DLG2: variants seen among roughly 807,000 people sequenced by gnomAD.
DLG2 encodes discs large MAGUK scaffold protein 2.
In DLG2, 45 loss-of-function variants were observed where a neutral mutation model predicts 132.5. That is an observed-to-expected ratio of 0.34 (90% confidence interval 0.27 to 0.44). The LOEUF (loss-of-function observed/expected upper bound fraction) is 0.44. Ranked by LOEUF, DLG2 falls within the 20% of genes least tolerant of loss-of-function variation. The pLI, the probability that DLG2 is intolerant of heterozygous loss-of-function variation, is 1.00. For missense variants in DLG2, 1,045 were observed against 1,196.9 expected (o/e 0.87, Z 1.87); for synonymous variants, 424 against 419.6 (o/e 1.01, Z -0.13).
rs184096961 is a variant in DLG2, at chr11:83,465,214, A to G, written c.2729+1494T>C. 6.8e-4 allele frequency among the ~76,000 whole-genome samples: 104 copies of G among 152,170 alleles called. No individual in the cohort carries two copies. The East Asian group carries it at 0.014, about 21-fold the overall frequency. On this transcript the variant is annotated intron_variant, in intron 26 of 27. Coordinates refer to ENST00000376104, the MANE Select transcript of DLG2 (RefSeq NM_001142699.3). ...TTTATCCTGGTAAGAATCCTTGTCC[A>G]TTTTTTATATATGGGACTATATTCT... is the stretch of plus-strand genomic sequence containing the variant.
At chr11:84,785,292 T>C (rs1302046766) in intron 6 of DLG2, among the ~76,000 whole-genome samples, 1 of 152,102 alleles carries the variant, frequency 6.6e-6, no homozygotes, top group East Asian at 1.9e-4. Flanking sequence ...GACAGTATAA[T>C]TTTTTTCTGA....
At chr11:84,704,326 A>G (rs1411055931) in intron 6 of DLG2, among the ~76,000 whole-genome samples, 1 of 151,582 alleles carries the variant, frequency 6.6e-6, no homozygotes, top group Non-Finnish European at 1.5e-5. Context: ...AAAGTATTTA[A>G]AAGAAGAAAC....
intron 4 of DLG2, among the ~76,000 whole-genome samples, chr11:85,163,799 G>T (rs888720151): frequency 2.0e-5 from 3 of 152,118 alleles, no homozygotes; most frequent in African/African-American, 4.8e-5. Context: ...GGATGCCTTG[G>T]ATTGTAGGGG....
At chr11:84,706,140 T>G (rs904768549) in intron 6 of DLG2, among the ~76,000 whole-genome samples, 5 of 151,808 alleles carry the variant, frequency 3.3e-5, no homozygotes, top group African/African-American at 1.2e-4. Context: ...ATGGCTTCCC[T>G]CCTTGGATAG....
chr11:84,690,707 G>A (rs1388317024), intron 6 of DLG2, among the ~76,000 whole-genome samples: 1 of 151,738 alleles, frequency 6.6e-6, no homozygotes, highest in Non-Finnish European at 1.5e-5. Context: ...ATGTGAGTTA[G>A]GTGTTATCAT....
intron 6 of DLG2, among the ~76,000 whole-genome samples, chr11:84,811,901 C>T (rs2076599712): frequency 6.6e-6 from 1 of 152,118 alleles, no homozygotes; most frequent in South Asian, 2.1e-4. Context: ...TATTCAGGAG[C>T]TATGAACAGA....
At chr11:83,684,713 T>A (rs2079429992) in intron 18 of DLG2, among the ~76,000 whole-genome samples, 1 of 152,162 alleles carries the variant, frequency 6.6e-6, no homozygotes, top group Non-Finnish European at 1.5e-5. Context: ...AATGGCTTGG[T>A]CTCGAAGTCT....
intron 20 of DLG2, among the ~76,000 whole-genome samples, chr11:83,539,691 C>T (rs890768814): frequency 3.3e-5 from 5 of 151,332 alleles, no homozygotes; most frequent in Admixed American, 6.6e-5. Flanking sequence ...CTACTGCACC[C>T]TTCATAAAAA....
At chr11:83,780,147 T>C (rs1327372734) in intron 18 of DLG2, among the ~76,000 whole-genome samples, 2 of 152,234 alleles carry the variant, frequency 1.3e-5, no homozygotes, top group Non-Finnish European at 1.5e-5. Context: ...TACATAGATG[T>C]TGATTTAAAG....
At chr11:85,353,860 G>C (rs569291741) in intron 3 of DLG2, among the ~76,000 whole-genome samples, 71 of 151,976 alleles carry the variant, frequency 4.7e-4, no homozygotes, top group African/African-American at 1.7e-3. Flanking sequence ...AAGGGGGAGG[G>C]ATAGCATTAT....
intron 6 of DLG2, among the ~76,000 whole-genome samples, chr11:84,710,314 GC>G: frequency 6.6e-6 from 1 of 151,844 alleles, no homozygotes; most frequent in East Asian, 1.9e-4. Flanking sequence ...AACCTGAGGT[GC>G]CCACTATAAT....
At chr11:83,795,101 G>C (rs764406174) in intron 17 of DLG2, among the ~76,000 whole-genome samples, 14 of 152,046 alleles carry the variant, frequency 9.2e-5, no homozygotes, top group Admixed American at 2.0e-4. Flanking sequence ...GACTTTTATT[G>C]GATCATTAAA....
intron 6 of DLG2, among the ~76,000 whole-genome samples, chr11:84,547,720 T>C (rs2099393064): frequency 6.6e-6 from 1 of 152,164 alleles, no homozygotes; most frequent in Admixed American, 6.5e-5. Flanking sequence ...AATCCCTCTT[T>C]TTTCTCAAAG....
chr11:84,563,495 C>A (rs1214059913), intron 6 of DLG2, among the ~76,000 whole-genome samples: 1 of 152,048 alleles, frequency 6.6e-6, no homozygotes, highest in Admixed American at 6.6e-5. Flanking sequence ...TTTTCAGAAC[C>A]TGGCATTTTG....
At chr11:84,846,764 T>G (rs1200023955) in intron 6 of DLG2, among the ~76,000 whole-genome samples, 2 of 152,196 alleles carry the variant, frequency 1.3e-5, no homozygotes, top group Non-Finnish European at 2.9e-5. Flanking sequence ...ATGCCAGTTT[T>G]GAGCCTAAGC....
chr11:84,200,205 A>T (rs763102318), intron 8 of DLG2, among the ~76,000 whole-genome samples: 21 of 152,160 alleles, frequency 1.4e-4, no homozygotes, highest in Admixed American at 3.3e-4. Flanking sequence ...GAATATTATT[A>T]AAAAATGTAG....
At chr11:85,152,080 T>G (rs1036762572) in intron 5 of DLG2, among the ~76,000 whole-genome samples, 2 of 152,144 alleles carry the variant, frequency 1.3e-5, no homozygotes, top group African/African-American at 4.8e-5. Flanking sequence ...AGCTACAAAA[T>G]TCTTGTTAAT....
At chr11:85,192,990 C>T (rs965580334) in intron 4 of DLG2, among the ~76,000 whole-genome samples, 5 of 152,142 alleles carry the variant, frequency 3.3e-5, no homozygotes, top group African/African-American at 1.2e-4. Flanking sequence ...TGTACAACTT[C>T]GTGGCTTTCA....
intron 7 of DLG2, among the ~76,000 whole-genome samples, chr11:84,530,114 C>T (rs961507706): frequency 5.9e-5 from 9 of 152,170 alleles, no homozygotes; most frequent in African/African-American, 1.9e-4. Context: ...AACTGAACCC[C>T]TTCCTTATAC....
Sources: gnomAD v4.1 joint callset for allele counts (sites outside exome capture counted in the v4.1 genomes callset) on GRCh38, gnomAD v4.1.1 for gene constraint, MANE v1.5 for transcripts, NCBI Gene and HGNC (gene_info 2026-07-23, HGNC 2026-07-21) for gene names.